The following SPG11 variants were observed in gnomAD, a reference collection of about 807,000 sequenced individuals.
SPG11 encodes the protein spatacsin.
Under a neutral mutation model 274.0 loss-of-function variants are expected in SPG11, and 222 were observed. The observed-to-expected ratio is 0.81, with a 90% CI of 0.73 to 0.91. SPG11 has a LOEUF of 0.91. Ranked by LOEUF, SPG11 falls within the 40% of genes least tolerant of loss-of-function variation. SPG11 has a pLI of 0.00. For synonymous variants in SPG11, 1,144 were observed against 1,039.7 expected, an observed-to-expected ratio of 1.10 and a Z score of -1.93; for missense variants, 3,114 against 2,872.7, an observed-to-expected ratio of 1.08 and a Z score of -1.92.
In SPG11 at chr15:44,663,576, C is replaced by G. The variant is rs1203044369; in HGVS notation, c.72G>C (p.Arg24=). ...GGSWGTAAMG[R]VLPMLLVPVP... is the part of the protein sequence containing the mutation. ...CTGGCACCAACAGCATCGGTAGAACCCGCCCCATGGCCGCGGTGCCCCAGC... is the reference window on the plus strand; with the variant it reads ...CTGGCACCAACAGCATCGGTAGAACGCGCCCCATGGCCGCGGTGCCCCAGC... The change falls in exon 1 of 40, where the codon CGG becomes CGC. Residue 24 remains arginine, a synonymous_variant. Coordinates refer to ENST00000261866, the MANE Select transcript of SPG11 (RefSeq NM_025137.4). 7 of 1,596,928 alleles carry G rather than the reference C, an allele frequency of 4.4e-6. No homozygotes were observed. The highest frequency in any genetic ancestry group is 6.0e-6 in the Non-Finnish European group (7 of 1,174,030).
In SPG11 at chr15:44,651,863, A is replaced by G. The variant is rs746407142; in HGVS notation, c.1084T>C (p.Trp362Arg). The G allele has an allele frequency of 5.0e-6, 8 of 1,613,698 alleles. No homozygotes were observed. Among genetic ancestry groups the G allele is most frequent in the Admixed American group, 1.7e-5 (1 of 60,000 alleles). Residue 362 changes from tryptophan to arginine, a missense_variant, in exon 6 of 40, where the codon TGG (tryptophan) becomes CGG (arginine). Trp to Arg is a moderately radical substitution (Grantham distance 101). Coordinates refer to ENST00000261866, the MANE Select transcript of SPG11 (RefSeq NM_025137.4). ...TCCAAATGCAAAATATCCTGGAACCATGGAGCACAACAGGAAACCTCCAGT... is the reference window on the plus strand; with the variant it reads ...TCCAAATGCAAAATATCCTGGAACCGTGGAGCACAACAGGAAACCTCCAGT... ...SKLEVSCCAP[W>R]FQDILHLESP... is the part of the protein sequence containing the mutation.
intron 1 of SPG11, among the ~76,000 whole-genome samples, 193 bp from the exon 2 acceptor site, chr15:44,660,809 C>T (rs921848074): frequency 6.6e-5 from 10 of 152,122 alleles, no homozygotes; most frequent in South Asian, 2.1e-4. Context: ...TACACCAACA[C>T]GAAAATACAG....
Position 44,572,817 on chromosome 15 carries a change from T to C in SPG11, c.6209A>G (p.His2070Arg), listed in dbSNP as rs202069061. Residue 2070 changes from histidine to arginine, a missense_variant, in exon 33 of 40, where the codon CAT (histidine) becomes CGT (arginine). Coordinates refer to ENST00000261866, the MANE Select transcript of SPG11 (RefSeq NM_025137.4). Reference protein sequence around the residue: ...ELLTSSQGTGHKQMFNPTEES... With the variant: ...ELLTSSQGTGRKQMFNPTEES... The stretch of plus-strand genomic sequence containing the variant: ...CTCTGTTGGGTTGAACATCTGCTTA[T>C]GTCCTGTACAGAGAGGTGTGAAGAC... 3.1e-6 allele frequency: 5 copies of C among 1,613,940 alleles called. No homozygotes were observed. The South Asian group carries it at 4.4e-5, about 14-fold the overall frequency.
chr15:44,641,782 C>A (rs1595915453), intron 7 of SPG11, among the ~76,000 whole-genome samples: 1 of 151,892 alleles, frequency 6.6e-6, no homozygotes, highest in East Asian at 1.9e-4. Flanking sequence ...ATAAAACAAT[C>A]TTGGAAAACT....
At position 44,572,810 on chromosome 15, in the gene SPG11, C is replaced by T. The variant is rs751444246; in HGVS notation, c.6216G>A (p.Gln2072=). 1 of 1,613,940 alleles carries T rather than the reference C, an allele frequency of 6.2e-7. No homozygotes were observed. Among genetic ancestry groups the T allele is most frequent in the Non-Finnish European group, 8.5e-7 (1 of 1,179,936 alleles). The change falls in exon 33 of 40, where the codon CAG becomes CAA. Residue 2072 remains glutamine (Q), a synonymous_variant. Transcript: ENST00000261866. The part of the protein sequence containing the change: ...LTSSQGTGHK[Q]MFNPTEESQT... Reference sequence around the variant, plus strand: ...GGCTTTCCTCTGTTGGGTTGAACATCTGCTTATGTCCTGTACAGAGAGGTG... The same window carrying T: ...GGCTTTCCTCTGTTGGGTTGAACATTTGCTTATGTCCTGTACAGAGAGGTG...
At chr15:44,601,492 C>T (rs1475357428) in intron 20 of SPG11, among the ~76,000 whole-genome samples, 1 of 151,694 alleles carries the variant, frequency 6.6e-6, no homozygotes, top group African/African-American at 2.4e-5. Context: ...AAATCCTGAG[C>T]TCAAGCAATC....
At chr15:44,607,904 G>A (rs2083363201) in intron 19 of SPG11, among the ~76,000 whole-genome samples, 2 of 152,172 alleles carry the variant, frequency 1.3e-5, no homozygotes, top group South Asian at 2.1e-4. Flanking sequence ...AGAAGCTTTT[G>A]ATGAAAACAG....
intron 27 of SPG11, 55 bp downstream of exon 27, chr15:44,592,276 A>C (rs2082920093): frequency 1.8e-6 from 2 of 1,085,952 alleles, no homozygotes; most frequent in Non-Finnish European, 1.4e-6. Context: ...AAAAAAGTCC[A>C]TGCATGCCAA....
At position 44,606,014 on chromosome 15, in the gene SPG11, T is replaced by C; in HGVS notation, c.3520+11A>G. The C allele has an allele frequency of 3.1e-6, 5 of 1,611,768 alleles. No homozygotes were observed. Among genetic ancestry groups the C allele is most frequent in the Non-Finnish European group, 2.5e-6 (3 of 1,178,028 alleles). On this transcript the variant is annotated intron_variant, in intron 20 of 39. Coordinates refer to ENST00000261866, the MANE Select transcript of SPG11 (RefSeq NM_025137.4). ...TAAAACATGTCTCAAGAAGTACCCA[T>C]GATGACTTACCTCCTATAGCTAGTG...
intron 21 of SPG11, 29 bp from the exon 22 acceptor site, chr15:44,598,865 C>T (rs1426621313): frequency 1.2e-6 from 2 of 1,601,822 alleles, no homozygotes; most frequent in South Asian, 2.2e-5. Flanking sequence ...AAAATCACAT[C>T]AGCACATGAA....
rs373088911 is a variant in SPG11, at chr15:44,620,243, C to A, written c.2781G>T (p.Gln927His). The A allele has an allele frequency of 1.9e-6, 3 of 1,613,884 alleles. No homozygotes were observed. The highest frequency in any genetic ancestry group is 1.3e-5 in the African/African-American group (1 of 74,874). ...WPLLTVDVIN[Q>H]NTSCNNYMRN... The stretch of plus-strand genomic sequence containing the variant: ...TCATGTAGTTGTTACAGGAAGTATT[C>A]TGGTTAATAACATCAACAGTCAGAA... The change falls in exon 15 of 40, where the codon CAG (glutamine) becomes CAT (histidine). Residue 927 changes from glutamine (Q) to histidine (H), a missense_variant. Physicochemically the swap from Gln to His is conservative, Grantham distance 24. Transcript: ENST00000261866.
At chr15:44,584,657 C>A (rs963683763) in intron 29 of SPG11, 99 bp from the exon 30 acceptor site, 1 of 1,399,614 alleles carries the variant, frequency 7.1e-7, no homozygotes, top group Non-Finnish European at 9.9e-7. Flanking sequence ...TGGACAGGGT[C>A]TCAGTCTGTC....
At chr15:44,569,317 T>G (rs2082369875) in intron 35 of SPG11, 81 bp downstream of exon 35, 469 of 1,012,130 alleles carry the variant, frequency 4.6e-4, no homozygotes, top group Non-Finnish European at 6.5e-4. Context: ...CTACCCTGAC[T>G]GAGATTATTC....
In SPG11 at chr15:44,565,950, C is replaced by T; in HGVS notation, c.6903G>A (p.Gln2301=). The change falls in exon 38 of 40, where the codon CAG becomes CAA. Residue 2301 remains glutamine (Q), a synonymous_variant. Coordinates refer to ENST00000261866, the MANE Select transcript of SPG11 (RefSeq NM_025137.4). ...CQRLTKLITL[Q]IHFLNTGQNT... ...TCTGGCCAGTGTTCAGAAAGTGAAT[C>T]TGCAGAGTTATCAACTTGGTGAGCC... 1 of 1,614,014 alleles carries T rather than the reference C, an allele frequency of 6.2e-7. No homozygotes were observed. Among genetic ancestry groups the T allele is most frequent in the African/African-American group, 1.3e-5 (1 of 75,016 alleles).
At position 44,573,564 on chromosome 15, in the gene SPG11, G is replaced by C; in HGVS notation, c.6188C>G (p.Thr2063Ser). ...VAEEVTRELLTSSQGTGHKQM... is the reference protein window; with the variant it reads ...VAEEVTRELLSSSQGTGHKQM... Reference sequence around the variant, plus strand: ...TAGGGCACCTGTTCCCTGTGATGAAGTAAGCAGCTCCCGTGTCACCTCTTC... The same window carrying C: ...TAGGGCACCTGTTCCCTGTGATGAACTAAGCAGCTCCCGTGTCACCTCTTC... The change falls in exon 32 of 40, where the codon ACT becomes AGT. Residue 2063 changes from threonine to serine, a missense_variant. By Grantham distance (58) the Thr-to-Ser change is moderately conservative (BLOSUM62 1). Coordinates refer to ENST00000261866, the MANE Select transcript of SPG11 (RefSeq NM_025137.4). 1 of 1,614,186 alleles carries C rather than the reference G, an allele frequency of 6.2e-7. No individual in the cohort carries two copies. Among genetic ancestry groups the C allele is most frequent in the South Asian group, 1.1e-5 (1 of 91,076 alleles).
chr15:44,648,158 G>T (rs2084657648), intron 7 of SPG11, among the ~76,000 whole-genome samples: 1 of 152,168 alleles, frequency 6.6e-6, no homozygotes, highest in African/African-American at 2.4e-5. Flanking sequence ...GTAAAAGAGT[G>T]TTTGTGAATT....
At chr15:44,622,978 T>C (rs2083796450) in intron 11 of SPG11, among the ~76,000 whole-genome samples, 179 bp from the exon 12 acceptor site, 1 of 152,206 alleles carries the variant, frequency 6.6e-6, no homozygotes, top group Non-Finnish European at 1.5e-5. Context: ...TGAGACAGTC[T>C]AGCTGTGCTG....
intron 7 of SPG11, among the ~76,000 whole-genome samples, chr15:44,636,938 A>AAAAC (rs2084283027): frequency 8.8e-6 from 1 of 113,076 alleles, no homozygotes; most frequent in Non-Finnish European, 1.8e-5. Flanking sequence ...AAAAAAAAAA[A>AAAAC]AAAAAAAAAA....
chr15:44,636,227 G>A (rs2084245549), intron 7 of SPG11, among the ~76,000 whole-genome samples: 1 of 152,032 alleles, frequency 6.6e-6, no homozygotes, highest in South Asian at 2.1e-4. Context: ...GGGTCCATGT[G>A]AGGTGACACC....
Sources: gnomAD v4.1 joint callset for allele counts (sites outside exome capture counted in the v4.1 genomes callset) on GRCh38, gnomAD v4.1.1 for gene constraint, MANE v1.5 for transcripts, NCBI Gene and HGNC (gene_info 2026-07-23, HGNC 2026-07-21) for gene names.